TENM1: variants seen among roughly 807,000 people sequenced by gnomAD.
TENM1 encodes the protein teneurin-1.
Under a neutral mutation model 174.8 loss-of-function variants are expected in TENM1, and 35 were observed. The observed-to-expected ratio is 0.20, with a 90% CI of 0.15 to 0.27. TENM1 has a LOEUF of 0.27. Ranked by LOEUF, TENM1 falls within the 10% of genes least tolerant of loss-of-function variation. The probability of loss-of-function intolerance (pLI) is 1.00; values close to 1 mark genes in which losing one functional copy is unlikely to be tolerated. For missense variants in TENM1, 1,633 were observed against 2,130.1 expected (o/e 0.77, Z 4.59); for synonymous variants, 781 against 798.7 (o/e 0.98, Z 0.37).
chrX:125,200,950 G>T, the TENM1 span, among the ~76,000 whole-genome samples: 1 of 111,472 alleles, frequency 9.0e-6, no homozygotes, highest in Non-Finnish European at 1.9e-5. Context: ...GACTCCAAAT[G>T]TCTATCTCTA....
rs939992934 is a variant in TENM1 at position 124,905,775 on chromosome X, A to G, written c.218-9534T>C. ...ACTGCACAGAAAAAGAATTCCATAG[A>G]TCTTCAGAGGGTCCCCCCTGCATAT... On this transcript the variant is annotated intron_variant, in intron 1 of 31. Transcript: ENST00000422452. Among the ~76,000 whole-genome samples, 9 of 111,392 alleles carry G rather than the reference A, an allele frequency of 8.1e-5. No individual in the cohort carries two copies. In the South Asian group the frequency reaches 1.5e-3, roughly 19 times the overall value.
chrX:124,988,529 G>T, the TENM1 span, among the ~76,000 whole-genome samples: 1 of 109,100 alleles, frequency 9.2e-6, no homozygotes, highest in African/African-American at 3.4e-5. Flanking sequence ...AACGGAGAAG[G>T]AAATATTTGC....
intron 1 of TENM1, among the ~76,000 whole-genome samples, chrX:124,949,054 G>C (rs902457517): frequency 7.2e-5 from 8 of 111,383 alleles, no homozygotes; most frequent in Non-Finnish European, 9.4e-5. Flanking sequence ...GGCTGGTGTG[G>C]AGATAGGATT....
chrX:124,499,399 T>C (rs1204685575), intron 19 of TENM1, among the ~76,000 whole-genome samples: 3 of 111,422 alleles, frequency 2.7e-5, no homozygotes, highest in Non-Finnish European at 5.7e-5. Flanking sequence ...CATCATATAG[T>C]ATTGGATTTC....
Position 124,462,569 on chromosome X carries a change from C to T in TENM1, c.3950-9078G>A, listed in dbSNP as rs183544720. Among the ~76,000 whole-genome samples the T allele has an allele frequency of 1.2e-3, 132 of 110,052 alleles. 1 individual carries two copies. Among genetic ancestry groups the T allele is most frequent in the African/African-American group, 4.0e-3 (120 of 30,207 alleles). ...GAAGTTTCCCTTTCATGAATCCTTC[C>T]CTGCAAACTCCAGTTCATTGTGGTC... On this transcript the variant is annotated intron_variant, in intron 22 of 31. Transcript: ENST00000422452.
chrX:125,165,475 C>G, the TENM1 span, among the ~76,000 whole-genome samples: 1 of 111,832 alleles, frequency 8.9e-6, no homozygotes, highest in Non-Finnish European at 1.9e-5. Context: ...ATTCAGACAC[C>G]TGCATCTTAA....
exon 24 of TENM1, chrX:124,422,514 G>A (rs1447366465): frequency 8.3e-7 from 1 of 1,211,226 alleles, no homozygotes; most frequent in African/African-American, 1.7e-5. Context: ...GCAGTGAATG[G>A]GGCGTCCTGC....
chrX:124,873,553 T>C (rs771886849), intron 3 of TENM1, among the ~76,000 whole-genome samples: 1 of 111,899 alleles, frequency 8.9e-6, no homozygotes, highest in African/African-American at 3.2e-5. Flanking sequence ...TATCGTCTTA[T>C]GAAATTTTTG....
At chrX:125,156,642 C>T in the TENM1 span, among the ~76,000 whole-genome samples, 1 of 111,828 alleles carries the variant, frequency 8.9e-6, no homozygotes, top group African/African-American at 3.3e-5. Context: ...ACTACATTTT[C>T]TTTATCCAGT....
the TENM1 span, among the ~76,000 whole-genome samples, chrX:125,133,750 C>T: frequency 8.1e-5 from 9 of 111,072 alleles, no homozygotes; most frequent in South Asian, 2.7e-3. Flanking sequence ...CAGATGAAGT[C>T]CTGTAACTAA....
the TENM1 span, among the ~76,000 whole-genome samples, chrX:125,139,920 A>C: frequency 9.1e-6 from 1 of 110,025 alleles, no homozygotes; most frequent in South Asian, 4.0e-4. Flanking sequence ...AAGTAGAGAG[A>C]GAGTATTCAA....
chrX:124,547,906 G>T (rs973589675), intron 14 of TENM1, among the ~76,000 whole-genome samples: 1 of 111,662 alleles, frequency 9.0e-6, no homozygotes, highest in Non-Finnish European at 1.9e-5. Flanking sequence ...GCACAATCTC[G>T]GCTCACTGCA....
the TENM1 span, among the ~76,000 whole-genome samples, chrX:125,186,481 G>A: frequency 9.1e-6 from 1 of 110,463 alleles, no homozygotes; most frequent in African/African-American, 3.3e-5. Context: ...CTGGTACGAG[G>A]TGTTTAGATC....
chrX:124,666,508 CAACA>C (rs2051768808), intron 6 of TENM1, among the ~76,000 whole-genome samples: 1 of 111,607 alleles, frequency 9.0e-6, no homozygotes, highest in African/African-American at 3.3e-5. Context: ...GTAACAATGA[CAACA>C]AACAAACAAA....
the TENM1 span, among the ~76,000 whole-genome samples, chrX:125,050,344 A>G: frequency 9.4e-6 from 1 of 106,815 alleles, no homozygotes; most frequent in African/African-American, 3.4e-5. Flanking sequence ...CCGGTGTGTG[A>G]TGTTCCCCTT....
intron 3 of TENM1, among the ~76,000 whole-genome samples, chrX:124,823,511 T>C (rs2056087499): frequency 9.0e-6 from 1 of 111,481 alleles, no homozygotes; most frequent in South Asian, 3.7e-4. Context: ...TATATCATTA[T>C]CATTAACATT....
At chrX:124,638,367 C>A (rs1235738125) in intron 11 of TENM1, among the ~76,000 whole-genome samples, 1 of 111,345 alleles carries the variant, frequency 9.0e-6, no homozygotes, top group Non-Finnish European at 1.9e-5. Flanking sequence ...TGAATTTATG[C>A]AACTGGAGAG....
At chrX:124,987,440 A>G in the TENM1 span, among the ~76,000 whole-genome samples, 1 of 112,130 alleles carries the variant, frequency 8.9e-6, no homozygotes, top group South Asian at 3.7e-4. Flanking sequence ...ATGTTATTAC[A>G]GCCACTAAAC....
At chrX:124,673,016 T>C (rs1372119232) in intron 5 of TENM1, among the ~76,000 whole-genome samples, 4 of 112,012 alleles carry the variant, frequency 3.6e-5, no homozygotes, top group African/African-American at 1.3e-4. Flanking sequence ...GTGTAACATT[T>C]GCCATCTGTG....
Sources: gnomAD v4.1 joint callset for allele counts (sites outside exome capture counted in the v4.1 genomes callset) on GRCh38, gnomAD v4.1.1 for gene constraint, MANE v1.5 for transcripts, NCBI Gene and HGNC (gene_info 2026-07-23, HGNC 2026-07-21) for gene names.